The following PLXNB1 variants were observed in gnomAD, a reference collection of about 807,000 sequenced individuals.
PLXNB1 encodes plexin B1, also known as plexin-B1.
A neutral mutation model predicts 209.4 loss-of-function variants in PLXNB1; 106 were observed. The ratio of observed to expected loss-of-function variants is 0.51; its 90% confidence interval spans 0.43 to 0.59. PLXNB1 has a LOEUF of 0.59. Among genes scored for constraint, PLXNB1 ranks in the 20% least tolerant of loss-of-function variants. The probability of loss-of-function intolerance (pLI) is 0.00; values close to 1 mark genes in which losing one functional copy is unlikely to be tolerated. For missense variants in PLXNB1, 2,357 were observed against 2,853.2 expected (o/e 0.83, Z 3.96); for synonymous variants, 1,167 against 1,183.2 (o/e 0.99, Z 0.28).
chr3:48,417,566 C>T lies in PLXNB1; in HGVS notation c.3374+345G>A, dbSNP rs1318316779. On this transcript the variant is annotated intron_variant, in intron 16 of 37. Transcript: ENST00000296440. The surrounding 1 kb of genome is among the most constrained non-coding windows in gnomAD (Gnocchi z 4.4). ...AAGAGTGAGCTGGTGAGAAGGCCAGCCCCTGAGCTTATCTGTCTGATCTGA... is the reference window on the plus strand; with the variant it reads ...AAGAGTGAGCTGGTGAGAAGGCCAGTCCCTGAGCTTATCTGTCTGATCTGA... 6.6e-6 allele frequency among the ~76,000 whole-genome samples: 1 copy of T among 152,188 alleles called. No individual in the cohort carries two copies. The highest frequency in any genetic ancestry group is 2.4e-5 in the African/African-American group (1 of 41,452).
chr3:48,406,047 T>C lies in PLXNB1; in HGVS notation c.6229-249A>G. 2.3e-6 allele frequency: 1 copy of C among 437,456 alleles called. No homozygotes were observed. Among genetic ancestry groups the C allele is most frequent in the South Asian group, 2.2e-5 (1 of 45,236 alleles). The allele number at this position is 437,456 out of a possible 1,614,324, so 27.1% of individuals were successfully genotyped here. On this transcript the variant is annotated intron_variant, in intron 36 of 37. Coordinates refer to ENST00000296440, the MANE Select transcript of PLXNB1 (RefSeq NM_001130082.3). The surrounding 1 kb of genome is among the most constrained non-coding windows in gnomAD (Gnocchi z 4.4). ...AGGAAGACAGCCCAGGTCTACCTGC[T>C]TCAGCAAGGTCTGGGGTTTCCACTG...
intron 7 of PLXNB1, 108 bp downstream of exon 7, chr3:48,421,566 T>G: frequency 8.1e-7 from 1 of 1,236,210 alleles, no homozygotes; most frequent in Non-Finnish European, 1.1e-6. Context: ...GTGACTTGTG[T>G]GAGGCCATGT....
At chr3:48,421,054 G>C in intron 8 of PLXNB1, 98 bp from the exon 9 acceptor site, 1 of 1,269,470 alleles carries the variant, frequency 7.9e-7, no homozygotes, top group South Asian at 1.3e-5. Context: ...GAGGACCCGG[G>C]ATGAGGGAAT....
Position 48,420,901 on chromosome 3 carries a change from A to G in PLXNB1, c.1866T>C (p.Thr622=), listed in dbSNP as rs780077321. Residue 622 remains threonine, a synonymous_variant, in exon 9 of 38, where the codon ACT becomes ACC. Coordinates refer to ENST00000296440, the MANE Select transcript of PLXNB1 (RefSeq NM_001130082.3). The part of the protein sequence containing the change: ...LRFGAVVIAK[T]SLSFYDCVAV... ...CCACACAGTCATAGAAAGAGAGGGA[A>G]GTTTTGGCGATCACAACAGCGCCAA... 7 of 1,614,132 alleles carry G rather than the reference A, an allele frequency of 4.3e-6. No individual in the cohort carries two copies. The East Asian group carries it at 1.6e-4, about 36-fold the overall frequency.
chr3:48,409,303 C>CT lies in PLXNB1; in HGVS notation c.6087+25_6087+26insA, dbSNP rs1183011770. On this transcript the variant is annotated intron_variant, in intron 34 of 37. Coordinates refer to ENST00000296440, the MANE Select transcript of PLXNB1 (RefSeq NM_001130082.3). This position sits in a 1 kb window ranked among gnomAD's most constrained non-coding sequence, Gnocchi z 5.8. The stretch of plus-strand genomic sequence containing the variant: ...AGCACTGTCCACCCTCACCCATCCC[C>CT]CCGTGTCCATCCCAGACTCGCTCAC... The CT allele has an allele frequency of 1.5e-5, 24 of 1,612,936 alleles. No homozygotes were observed. Among genetic ancestry groups the CT allele is most frequent in the East Asian group, 8.9e-5 (4 of 44,876 alleles).
intron 7 of PLXNB1, 31 bp downstream of exon 7, chr3:48,421,643 C>T (rs1307671318): frequency 6.4e-7 from 1 of 1,573,794 alleles, no homozygotes; most frequent in East Asian, 2.3e-5. Context: ...AGAGCCCTCC[C>T]CACCAGGGCC....
Position 48,416,020 on chromosome 3 carries a change from G to A in PLXNB1, c.3617+11C>T, listed in dbSNP as rs183520878. ...AGATGGATTTTTGCAGGATGAGGAA[G>A]TGGCCCTCACAAGTGACAAGGCTGG... On this transcript the variant is annotated intron_variant, in intron 18 of 37. Coordinates refer to ENST00000296440, the MANE Select transcript of PLXNB1 (RefSeq NM_001130082.3). The surrounding 1 kb of genome is among the most constrained non-coding windows in gnomAD (Gnocchi z 4.1). 6.2e-7 allele frequency: 1 copy of A among 1,602,064 alleles called. No individual in the cohort carries two copies. Among genetic ancestry groups the A allele is most frequent in the Non-Finnish European group, 8.5e-7 (1 of 1,174,362 alleles).
Position 48,415,315 on chromosome 3 carries a change from T to C in PLXNB1, c.3827A>G (p.Asn1276Ser), listed in dbSNP as rs752228229. 1.2e-6 allele frequency: 2 copies of C among 1,613,596 alleles called. No individual in the cohort carries two copies. Among genetic ancestry groups the C allele is most frequent in the Admixed American group, 1.7e-5 (1 of 60,028 alleles). The change falls in exon 20 of 38, where the codon AAT (asparagine) becomes AGT (serine). Residue 1276 changes from asparagine to serine, a missense_variant. Physicochemically the swap from Asn to Ser is conservative, Grantham distance 46. Transcript: ENST00000296440. This position sits in a 1 kb window ranked among gnomAD's most constrained non-coding sequence, Gnocchi z 5.0. ...GGREICVRGQ[N>S]LDVVQTPRIR... ...TCTTGGCGTCTGTACCACGTCCAGA[T>C]TCTGGCCACGGACGCATATCTCACG... is the stretch of plus-strand genomic sequence containing the variant.
intron 4 of PLXNB1, 105 bp from the exon 5 acceptor site, chr3:48,422,564 C>T: frequency 1.4e-6 from 2 of 1,403,092 alleles, no homozygotes; most frequent in South Asian, 2.9e-5. Context: ...GAATTTCCTC[C>T]TAGGCAGTCA....
chr3:48,412,992 G>GT, intron 24 of PLXNB1, 33 bp from the exon 25 acceptor site: 1 of 1,610,224 alleles, frequency 6.2e-7, no homozygotes, highest in African/African-American at 1.3e-5. Flanking sequence ...TTAAGCACCT[G>GT]TTAAGCACCA....
In PLXNB1 at chr3:48,410,940, C is replaced by T. The variant is rs779252877; in HGVS notation, c.5344G>A (p.Glu1782Lys). The T allele has an allele frequency of 6.2e-7, 1 of 1,613,948 alleles. No homozygotes were observed. The highest frequency in any genetic ancestry group is 8.5e-7 in the Non-Finnish European group (1 of 1,179,960). ...LDCDTISQAK[E>K]KMLDQLYKGV... Reference sequence around the variant, plus strand: ...TTATAAAGCTGGTCCAGCATCTTCTCCTTTGCCTGGGAGATGGTGTCACAG... The same window carrying T: ...TTATAAAGCTGGTCCAGCATCTTCTTCTTTGCCTGGGAGATGGTGTCACAG... Residue 1782 changes from glutamate (E) to lysine (K), a missense_variant, in exon 29 of 38, where the codon GAG becomes AAG. By Grantham distance (56) the Glu-to-Lys change is moderately conservative. Transcript: ENST00000296440. This position sits in a 1 kb window ranked among gnomAD's most constrained non-coding sequence, Gnocchi z 6.4.
chr3:48,414,112 C>T (rs2037901153), intron 21 of PLXNB1, 41 bp from the exon 22 acceptor site: 1 of 1,596,376 alleles, frequency 6.3e-7, no homozygotes, highest in African/African-American at 1.3e-5. Flanking sequence ...AGGACCCTTC[C>T]CTCAGATCCT....
At position 48,415,461 on chromosome 3, in the gene PLXNB1, T is replaced by C. The variant is rs115869055; in HGVS notation, c.3795-114A>G. 2 of 1,363,256 alleles carry C rather than the reference T, an allele frequency of 1.5e-6. No homozygotes were observed. The highest frequency in any genetic ancestry group is 1.4e-5 in the African/African-American group (1 of 69,268). 84.4% of individuals were successfully genotyped at this position (1,363,256 alleles called of 1,614,324 possible). On this transcript the variant is annotated intron_variant, in intron 19 of 37. Coordinates refer to ENST00000296440, the MANE Select transcript of PLXNB1 (RefSeq NM_001130082.3). The surrounding 1 kb of genome is among the most constrained non-coding windows in gnomAD (Gnocchi z 5.0). ...CCCCAGCCCCAAACCACACGACCCCTTGCCCCTACTAGCAGCATGGGATTC... is the reference window on the plus strand; with the variant it reads ...CCCCAGCCCCAAACCACACGACCCCCTGCCCCTACTAGCAGCATGGGATTC...
intron 3 of PLXNB1, 37 bp downstream of exon 3, chr3:48,423,468 C>G: frequency 6.3e-7 from 1 of 1,592,354 alleles, no homozygotes; most frequent in East Asian, 2.2e-5. Context: ...CCAGTGGCCT[C>G]AGAGAGGCGG....
intron 34 of PLXNB1, among the ~76,000 whole-genome samples, chr3:48,408,675 C>T (rs4858818): frequency 0.019 from 2,923 of 152,186 alleles, 105 homozygotes; most frequent in African/African-American, 0.067. Context: ...GAATTAAACC[C>T]AATCAGCAGC....
Position 48,410,544 on chromosome 3 carries a change from C to T in PLXNB1, c.5431G>A (p.Val1811Met). 2 of 1,613,380 alleles carry T rather than the reference C, an allele frequency of 1.2e-6. No individual in the cohort carries two copies. Among genetic ancestry groups the T allele is most frequent in the Non-Finnish European group, 1.7e-6 (2 of 1,179,878 alleles). The change falls in exon 30 of 38, where the codon GTG (valine) becomes ATG (methionine). Residue 1811 changes from valine (V) to methionine (M), a missense_variant. Physicochemically the swap from Val to Met is conservative, Grantham distance 21. This residue lies in a region of PLXNB1 where 414 missense variants were observed against 520.5 expected (regional missense o/e 0.80). Transcript: ENST00000296440. This position sits in a 1 kb window ranked among gnomAD's most constrained non-coding sequence, Gnocchi z 6.4. ...TCAGAAAGAATGAGGTGCCCGGCCA[C>T]CCCAGACCGCCACTCTGCAAGGGCA... ...RTLDVEWRSG[V>M]AGHLILSDED... is the part of the protein sequence containing the mutation.
rs769797087 is a variant in PLXNB1, at chr3:48,415,359, C to T, written c.3795-12G>A. On this transcript the variant is annotated splice_polypyrimidine_tract_variant and intron_variant, in intron 19 of 37. Coordinates refer to ENST00000296440, the MANE Select transcript of PLXNB1 (RefSeq NM_001130082.3). The surrounding 1 kb of genome is among the most constrained non-coding windows in gnomAD (Gnocchi z 5.0). ...TCTCACGTCCTCCACTGAAACAGAC[C>T]GTGAGCTTACGTAACGTAAGATGGC... 6.2e-7 allele frequency: 1 copy of T among 1,610,254 alleles called. No individual in the cohort carries two copies. The highest frequency in any genetic ancestry group is 1.1e-5 in the South Asian group (1 of 90,932).
chr3:48,412,037 C>A, intron 27 of PLXNB1, 28 bp from the exon 28 acceptor site: 1 of 1,613,056 alleles, frequency 6.2e-7, no homozygotes. Context: ...GTTAGGGCCC[C>A]CCAGCAGGTG....
In PLXNB1 at chr3:48,404,366, C is replaced by T; in HGVS notation, c.*120G>A. The T allele has an allele frequency of 3.1e-6, 2 of 635,304 alleles. No individual in the cohort carries two copies. Among genetic ancestry groups the T allele is most frequent in the Non-Finnish European group, 2.7e-6 (1 of 366,904 alleles). The allele number at this position is 635,304 out of a possible 1,614,324, so 39.4% of individuals were successfully genotyped here. ...CCAGAGCCACCAGGAGACTGGGAGT[C>T]ACCTTCCACTAACTCTGCTTGTCAG... On this transcript the variant is annotated 3_prime_UTR_variant, in exon 38 of 38. Transcript: ENST00000296440.
Sources: gnomAD v4.1 joint callset for allele counts (sites outside exome capture counted in the v4.1 genomes callset) on GRCh38, gnomAD v4.1.1 for gene constraint, gnomAD v4.1.1 regional missense constraint, Gnocchi (gnomAD v3.1) non-coding constraint, MANE v1.5 for transcripts, NCBI Gene and HGNC (gene_info 2026-07-23, HGNC 2026-07-21) for gene names.